Variants in CNTNAP3 observed in about 807,000 individuals in gnomAD.
CNTNAP3 encodes the protein contactin associated protein family member 3, also known as contactin-associated protein-like 3.
In CNTNAP3, 36 loss-of-function variants were observed where a neutral mutation model predicts 92.1. That is an observed-to-expected ratio of 0.39 (90% CI 0.30 to 0.52). The LOEUF is 0.52. CNTNAP3 is among the 20% of genes least tolerant of loss of function. The pLI is 0.76. For synonymous variants in CNTNAP3, 232 were observed against 422.3 expected (o/e 0.55, Z 5.53); for missense variants, 534 against 1,069.6 (o/e 0.50, Z 6.98).
At chr9:39,096,448 T>G (rs966082568) in intron 18 of CNTNAP3, among the ~76,000 whole-genome samples, 1 of 152,050 alleles carries the variant, frequency 6.6e-6, no homozygotes, top group Non-Finnish European at 1.5e-5. Context: ...TGTACGTTAT[T>G]TATGGGGTAG....
chr9:39,107,614 G>A (rs957128365), intron 15 of CNTNAP3, among the ~76,000 whole-genome samples: 5 of 152,080 alleles, frequency 3.3e-5, no homozygotes, highest in South Asian at 2.1e-4. Flanking sequence ...CAGATAAATC[G>A]GAAATATCTG....
chr9:39,158,347 T>C lies in CNTNAP3; in HGVS notation c.1477+7586A>G. Reference sequence around the variant, plus strand: ...TCAGTCCTTAATCTGTAGTCTTTTTTCAACAACCCCATGAAACAAAAGGGA... The same window carrying C: ...TCAGTCCTTAATCTGTAGTCTTTTTCCAACAACCCCATGAAACAAAAGGGA... On this transcript the variant is annotated intron_variant, in intron 9 of 23. Transcript: ENST00000297668. 1.6e-5 allele frequency among the ~76,000 whole-genome samples: 2 copies of C among 121,428 alleles called. 1 individual carries two copies. Among genetic ancestry groups the C allele is most frequent in the Non-Finnish European group, 3.3e-5 (2 of 59,912 alleles). 79.7% of individuals were successfully genotyped at this position (121,428 alleles called of 152,430 possible). A position where few individuals can be genotyped will look rare whatever the true frequency, so the allele number is the denominator to read the frequency against.
At chr9:39,107,057 C>T (rs1053433675) in intron 15 of CNTNAP3, among the ~76,000 whole-genome samples, 4 of 151,934 alleles carry the variant, frequency 2.6e-5, no homozygotes, top group African/African-American at 9.7e-5. Context: ...AAGTATGTGT[C>T]TGATTGTGAA....
intron 15 of CNTNAP3, among the ~76,000 whole-genome samples, chr9:39,108,883 T>C (rs1789756536): frequency 6.6e-6 from 1 of 152,174 alleles, no homozygotes; most frequent in Non-Finnish European, 1.5e-5. Context: ...ATCTCATGAT[T>C]GTTCTGGAAA....
chr9:39,123,815 A>T (rs60492362), intron 13 of CNTNAP3, among the ~76,000 whole-genome samples: 2,668 of 151,874 alleles, frequency 0.018, 74 homozygotes, highest in African/African-American at 0.061. Context: ...ACACACTAAT[A>T]TAAAATTCTA....
chr9:39,089,328 C>T (rs1164919643), intron 18 of CNTNAP3, among the ~76,000 whole-genome samples: 1 of 152,186 alleles, frequency 6.6e-6, no homozygotes, highest in African/African-American at 2.4e-5. Flanking sequence ...TCAATGTGGC[C>T]TCTTTCACTT....
At chr9:39,151,933 A>G (rs1203829409) in intron 9 of CNTNAP3, among the ~76,000 whole-genome samples, 2 of 150,788 alleles carry the variant, frequency 1.3e-5, no homozygotes, top group Non-Finnish European at 3.0e-5. Flanking sequence ...CTTTGAGTCC[A>G]CGCAAATACC....
At chr9:39,104,477 T>TACACATAC (rs1310721529) in intron 15 of CNTNAP3, among the ~76,000 whole-genome samples, 32 of 123,184 alleles carry the variant, frequency 2.6e-4, no homozygotes, top group African/African-American at 8.6e-4. Context: ...CACATACACA[T>TACACATAC]ACACACACAC....
At chr9:39,127,140 A>T (rs1021640935) in intron 13 of CNTNAP3, among the ~76,000 whole-genome samples, 32 of 152,110 alleles carry the variant, frequency 2.1e-4, no homozygotes, top group African/African-American at 6.3e-4. Context: ...AGAAATTTTT[A>T]AAAATACACT....
At chr9:39,136,378 A>C (rs1821436789) in intron 12 of CNTNAP3, among the ~76,000 whole-genome samples, 1 of 152,100 alleles carries the variant, frequency 6.6e-6, no homozygotes, top group Non-Finnish European at 1.5e-5. Flanking sequence ...TGTCAGGAGC[A>C]TACATATTAA....
chr9:39,106,694 G>C (rs1826613501), intron 15 of CNTNAP3: 1 of 152,194 alleles, frequency 6.6e-6, no homozygotes, highest in Non-Finnish European at 1.5e-5. Context: ...ATGAAGGGCT[G>C]AGGTAAATTT....
chr9:39,141,109 A>G (rs1821564749), intron 11 of CNTNAP3, among the ~76,000 whole-genome samples: 1 of 152,328 alleles, frequency 6.6e-6, no homozygotes, highest in Non-Finnish European at 1.5e-5. Flanking sequence ...AAACACTTGA[A>G]GAGATATGAG....
At chr9:39,145,962 G>T (rs1821688224) in intron 10 of CNTNAP3, among the ~76,000 whole-genome samples, 1 of 147,274 alleles carries the variant, frequency 6.8e-6, no homozygotes, top group African/African-American at 2.5e-5. Flanking sequence ...GATCATACCT[G>T]ACTTGAAGAT....
intron 14 of CNTNAP3, chr9:39,117,889 C>A: frequency 2.8e-6 from 3 of 1,080,332 alleles, no homozygotes; most frequent in Non-Finnish European, 3.8e-6. Context: ...AAATAAAAAA[C>A]ACATTATATA....
chr9:39,103,978 T>C, intron 15 of CNTNAP3, 64 bp from the exon 16 acceptor site: 1 of 1,501,830 alleles, frequency 6.7e-7, no homozygotes, highest in Non-Finnish European at 8.9e-7. Flanking sequence ...ACAGCTACAT[T>C]TGATACTTAC....
chr9:39,086,508 A>G, intron 20 of CNTNAP3: 1 of 681,330 alleles, frequency 1.5e-6, no homozygotes. Context: ...ACAGAATTGC[A>G]TTGCTAAACA....
At chr9:39,122,063 G>GGAT (rs1301145588) in intron 13 of CNTNAP3, among the ~76,000 whole-genome samples, 1 of 152,126 alleles carries the variant, frequency 6.6e-6, no homozygotes, top group Admixed American at 6.5e-5. Context: ...TAAGAGTACA[G>GGAT]GATGCTTCTG....
chr9:39,111,745 G>C (rs867783159), intron 14 of CNTNAP3, among the ~76,000 whole-genome samples: 115 of 152,116 alleles, frequency 7.6e-4, no homozygotes, highest in African/African-American at 2.3e-3. Context: ...TATTTCACGG[G>C]AGCTCCAAGT....
intron 23 of CNTNAP3, among the ~76,000 whole-genome samples, chr9:39,075,694 C>T (rs940807302): frequency 7.9e-5 from 12 of 152,408 alleles, no homozygotes; most frequent in African/African-American, 2.6e-4. Context: ...TATCTTCCCA[C>T]GGTTTCTTGC....
Sources: allele counts gnomAD v4.1 joint callset (sites outside exome capture counted in the v4.1 genomes callset), GRCh38; gene constraint gnomAD v4.1.1; transcripts MANE v1.5; gene names NCBI Gene and HGNC (gene_info 2026-07-23, HGNC 2026-07-21).